Variants in CDKAL1 observed in about 807,000 individuals in gnomAD.
CDKAL1 encodes the protein threonylcarbamoyladenosine tRNA methylthiotransferase.
In CDKAL1, 32 loss-of-function variants were observed where a neutral mutation model predicts 68.2. The observed-to-expected ratio is 0.47, with a 90% CI of 0.35 to 0.63. The LOEUF (loss-of-function observed/expected upper bound fraction) is 0.63, where lower values mean the gene tolerates loss of function less well. CDKAL1 is among the 30% of genes least tolerant of loss of function. The pLI is 0.00. For missense variants in CDKAL1, 606 were observed against 696.7 expected (o/e 0.87, Z 1.47); for synonymous variants, 234 against 244.3 (o/e 0.96, Z 0.39).
At chr6:21,146,998 C>A (rs907960724) in intron 13 of CDKAL1, among the ~76,000 whole-genome samples, 1 of 152,116 alleles carries the variant, frequency 6.6e-6, no homozygotes, top group Non-Finnish European at 1.5e-5. Flanking sequence ...GAAGCCTGCA[C>A]GTGTCCATGG....
chr6:20,639,104 A>G (rs1768043671), intron 4 of CDKAL1, among the ~76,000 whole-genome samples: 1 of 152,164 alleles, frequency 6.6e-6, no homozygotes, highest in Non-Finnish European at 1.5e-5. Flanking sequence ...GCTATGGGGT[A>G]ATAGCCATAA....
At chr6:20,791,713 C>T (rs1775906071) in intron 8 of CDKAL1, among the ~76,000 whole-genome samples, 1 of 152,156 alleles carries the variant, frequency 6.6e-6, no homozygotes, top group South Asian at 2.1e-4. Context: ...TCCTAAGATG[C>T]ATCCATTTTG....
chr6:20,862,666 C>CGT (rs1759703870), intron 9 of CDKAL1, among the ~76,000 whole-genome samples: 1 of 144,416 alleles, frequency 6.9e-6, no homozygotes, highest in African/African-American at 2.6e-5. Flanking sequence ...TGTGTGTGCG[C>CGT]GCGTGCATGC....
In CDKAL1 at chr6:21,198,046, T is replaced by A; in HGVS notation, c.1325T>A (p.Val442Glu). The change falls in exon 14 of 16, where the codon GTA (valine) becomes GAA (glutamate). Residue 442 changes from valine to glutamate, a missense_variant. Physicochemically the swap from Val to Glu is moderately radical, Grantham distance 121. Coordinates refer to ENST00000274695, the MANE Select transcript of CDKAL1 (RefSeq NM_017774.3). The part of the protein sequence containing the change: ...HKIGERQQVL[V>E]TEESFDSKFY... ...ATTGGTGAAAGACAACAAGTGTTAGTAACAGAAGAATCTTTTGATTCCAAG... is the reference window on the plus strand; with the variant it reads ...ATTGGTGAAAGACAACAAGTGTTAGAAACAGAAGAATCTTTTGATTCCAAG... The A allele has an allele frequency of 6.2e-7, 1 of 1,605,910 alleles. No individual in the cohort carries two copies. Among genetic ancestry groups the A allele is most frequent in the Non-Finnish European group, 8.5e-7 (1 of 1,175,772 alleles).
chr6:20,928,348 A>T (rs1206929059), intron 9 of CDKAL1, among the ~76,000 whole-genome samples: 1 of 152,250 alleles, frequency 6.6e-6, no homozygotes. Flanking sequence ...TTGTTTTTAA[A>T]AATGTTTTAT....
intron 12 of CDKAL1, among the ~76,000 whole-genome samples, chr6:21,107,200 G>C (rs1423057088): frequency 6.6e-6 from 1 of 151,996 alleles, no homozygotes; most frequent in African/African-American, 2.4e-5. Context: ...GCCCACTTCG[G>C]CCTCCCAGAG....
intron 11 of CDKAL1, among the ~76,000 whole-genome samples, chr6:21,031,384 C>T (rs891199504): frequency 1.3e-5 from 2 of 151,560 alleles, no homozygotes; most frequent in African/African-American, 4.8e-5. Flanking sequence ...CTGATTAGGT[C>T]AGGCCCATCA....
chr6:21,203,200 C>T (rs1173800931), intron 15 of CDKAL1, among the ~76,000 whole-genome samples: 5 of 146,684 alleles, frequency 3.4e-5, no homozygotes, highest in African/African-American at 1.3e-4. Context: ...TAGGCATGCA[C>T]CACCATCCTG....
chr6:21,108,816 T>C (rs186729172), intron 13 of CDKAL1, among the ~76,000 whole-genome samples: 3 of 152,350 alleles, frequency 2.0e-5, no homozygotes, highest in Admixed American at 1.3e-4. Flanking sequence ...ATTGAAATGC[T>C]GACTGCAAAA....
rs528105000 is a variant in CDKAL1, at chr6:20,779,574, T to C, written c.518-1571T>C. Among the ~76,000 whole-genome samples, 14 of 152,336 alleles carry C rather than the reference T, an allele frequency of 9.2e-5. No individual in the cohort carries two copies. In the South Asian group the frequency reaches 1.9e-3, roughly 20 times the overall value. On this transcript the variant is annotated intron_variant, in intron 7 of 15. Coordinates refer to ENST00000274695, the MANE Select transcript of CDKAL1 (RefSeq NM_017774.3). ...CATCCTGTGTTCTAAAATTGAGTTATTGTGATGATTATAAAACTTTTTTTC... is the reference window on the plus strand; with the variant it reads ...CATCCTGTGTTCTAAAATTGAGTTACTGTGATGATTATAAAACTTTTTTTC...
intron 11 of CDKAL1, among the ~76,000 whole-genome samples, chr6:21,027,247 C>A (rs1264713526): frequency 6.6e-6 from 1 of 152,110 alleles, no homozygotes; most frequent in East Asian, 1.9e-4. Flanking sequence ...TTCATATTAG[C>A]CATATCAAAT....
At chr6:21,098,090 G>A (rs912285883) in intron 12 of CDKAL1, among the ~76,000 whole-genome samples, 1 of 152,138 alleles carries the variant, frequency 6.6e-6, no homozygotes, top group Non-Finnish European at 1.5e-5. Context: ...CACTAGTATG[G>A]TGCCTGCACA....
chr6:20,609,897 G>A lies in CDKAL1; in HGVS notation c.287-39396G>A, dbSNP rs114894927. On this transcript the variant is annotated intron_variant, in intron 4 of 15. Transcript: ENST00000274695. ...ATCACAGGTATTAAGCCCAGTATCC[G>A]TTAGTTATTTTTCCTGATCGTCTCC... is the stretch of plus-strand genomic sequence containing the variant. Among the ~76,000 whole-genome samples, 1,483 of 152,124 alleles carry A rather than the reference G, an allele frequency of 9.7e-3. 30 individuals carry two copies. Among genetic ancestry groups the A allele is most frequent in the African/African-American group, 0.031 (1,278 of 41,502 alleles).
chr6:21,128,329 T>C (rs1260167111), intron 13 of CDKAL1, among the ~76,000 whole-genome samples: 1 of 152,250 alleles, frequency 6.6e-6, no homozygotes, highest in East Asian at 1.9e-4. Context: ...AGGTTAGTTA[T>C]ATTAAATGCA....
At chr6:20,660,331 G>A (rs1162125985) in intron 5 of CDKAL1, among the ~76,000 whole-genome samples, 1 of 152,124 alleles carries the variant, frequency 6.6e-6, no homozygotes, top group Non-Finnish European at 1.5e-5. Flanking sequence ...TGACTCTACT[G>A]TGTAATGATT....
intron 7 of CDKAL1, among the ~76,000 whole-genome samples, chr6:20,774,425 G>A (rs150885753): frequency 2.0e-5 from 3 of 152,190 alleles, no homozygotes; most frequent in Admixed American, 6.5e-5. Flanking sequence ...CTTTATGTTC[G>A]GGGAGGTGGT....
chr6:20,598,517 G>A (rs989497548), intron 4 of CDKAL1, among the ~76,000 whole-genome samples: 1 of 152,110 alleles, frequency 6.6e-6, no homozygotes, highest in Non-Finnish European at 1.5e-5. Context: ...TTGCTAAAAA[G>A]CAAGTCCTTA....
rs549155910 is a variant in CDKAL1 at position 20,647,971 on chromosome 6, A to C, written c.287-1322A>C. ...GCGCCTGTAATCCCAGCTACTCAGG[A>C]GGCTGAGGCAGGAGAATGTCGTGAA... On this transcript the variant is annotated intron_variant, in intron 4 of 15. Coordinates refer to ENST00000274695, the MANE Select transcript of CDKAL1 (RefSeq NM_017774.3). Among the ~76,000 whole-genome samples the C allele has an allele frequency of 7.4e-5, 11 of 148,976 alleles. 2 individuals are homozygous for C. The South Asian group carries it at 2.4e-3, about 32-fold the overall frequency.
intron 15 of CDKAL1, among the ~76,000 whole-genome samples, chr6:21,221,949 C>T (rs536115578): frequency 2.0e-5 from 3 of 152,248 alleles, no homozygotes; most frequent in Admixed American, 6.5e-5. Context: ...CATTTGGCAC[C>T]GTTCAAGTCT....
Sources: gnomAD v4.1 joint callset for allele counts (sites outside exome capture counted in the v4.1 genomes callset) on GRCh38, gnomAD v4.1.1 for gene constraint, MANE v1.5 for transcripts, NCBI Gene and HGNC (gene_info 2026-07-23, HGNC 2026-07-21) for gene names.